RBPJL: variants seen among roughly 807,000 people sequenced by gnomAD.
RBPJL encodes recombination signal binding protein for immunoglobulin kappa J region like.
RBPJL carries 50 observed loss-of-function variants against 57.6 expected under a neutral mutation model. The ratio of observed to expected loss-of-function variants is 0.87; its 90% CI spans 0.69 to 1.10. The LOEUF (loss-of-function observed/expected upper bound fraction) is 1.10. Ranked by LOEUF, RBPJL falls within the 50% of genes least tolerant of loss-of-function variation. The probability of loss-of-function intolerance (pLI) is 0.00; values close to 1 mark genes in which losing one functional copy is unlikely to be tolerated. For missense variants in RBPJL, 684 were observed against 693.7 expected (o/e 0.99, Z 0.16); for synonymous variants, 303 against 294.4 (o/e 1.03, Z -0.30).
intron 9 of RBPJL, 100 bp from the exon 10 acceptor site, chr20:45,316,087 C>A: frequency 1.8e-6 from 2 of 1,135,984 alleles, no homozygotes; most frequent in Non-Finnish European, 2.6e-6. Context: ...GGATTAGTAT[C>A]CAGTTCGGTC....
At chr20:45,315,885 GAAA>G (rs1201038596) in intron 9 of RBPJL, 2 of 291,724 alleles carry the variant, frequency 6.9e-6, no homozygotes, top group African/African-American at 2.7e-5. Context: ...AGGAAAGAAA[GAAA>G]AAGAAAGAAA....
rs757163375 is a variant in RBPJL, at chr20:45,308,525, A to G, written c.131+274A>G. On this transcript the variant is annotated intron_variant, in intron 2 of 11. Coordinates refer to ENST00000343694, the MANE Select transcript of RBPJL (RefSeq NM_014276.4). ...GGAGACTGGGGAGACCGGGGCAGCCACACTCCACAGCCGGAATTCATTGGA... is the reference window on the plus strand; with the variant it reads ...GGAGACTGGGGAGACCGGGGCAGCCGCACTCCACAGCCGGAATTCATTGGA... 6.8e-4 allele frequency: 331 copies of G among 490,218 alleles called. 1 individual carries two copies. Among genetic ancestry groups the G allele is most frequent in the Middle Eastern group, 1.1e-3 (2 of 1,806 alleles). The allele number at this position is 490,218 out of a possible 1,614,324, so 30.4% of individuals were successfully genotyped here.
At position 45,316,893 on chromosome 20, in the gene RBPJL, C is replaced by G; in HGVS notation, c.1488C>G (p.Asp496Glu). The G allele has an allele frequency of 6.2e-7, 1 of 1,613,734 alleles. No homozygotes were observed. The highest frequency in any genetic ancestry group is 8.5e-7 in the Non-Finnish European group (1 of 1,179,784). Residue 496 changes from aspartate to glutamate, a missense_variant, in exon 12 of 12, where the codon GAC becomes GAG. By Grantham distance (45) the Asp-to-Glu change is conservative. Transcript: ENST00000343694. Reference protein sequence around the residue: ...PGVPEPATDADALLESIHQEF... With the variant: ...PGVPEPATDAEALLESIHQEF... ...TCCCCGAGCCCGCCACCGACGCCGA[C>G]GCGCTCCTGGAGAGCATCCATCAGG...
At chr20:45,316,042 T>G in intron 9 of RBPJL, 145 bp from the exon 10 acceptor site, 1 of 671,000 alleles carries the variant, frequency 1.5e-6, no homozygotes, top group Non-Finnish European at 2.5e-6. Context: ...AAGGGCACTG[T>G]CCAAGCTGAG....
At chr20:45,308,112 C>T in intron 1 of RBPJL, 31 bp from the exon 2 acceptor site, 1 of 1,525,186 alleles carries the variant, frequency 6.6e-7, no homozygotes, top group Non-Finnish European at 9.1e-7. Flanking sequence ...ATACACTCGC[C>T]TGACCTGGCT....
chr20:45,316,323 C>T lies in RBPJL; in HGVS notation c.1157C>T (p.Pro386Leu), dbSNP rs770278403. 7 of 1,614,142 alleles carry T rather than the reference C, an allele frequency of 4.3e-6. No individual in the cohort carries two copies. In the Middle Eastern group the frequency reaches 6.6e-4, roughly 153 times the overall value. ...ACCCTGGAGCCGGTCACTCCGGTGC[C>T]TCTCATCAGCACCCTAGAGGTGAAG... ...ACTLEPVTPV[P>L]LISTLELSGG... Residue 386 changes from proline (P) to leucine (L), a missense_variant, in exon 10 of 12, where the codon CCT (proline) becomes CTT (leucine). Coordinates refer to ENST00000343694, the MANE Select transcript of RBPJL (RefSeq NM_014276.4).
chr20:45,316,113 C>A (rs1277432065), intron 9 of RBPJL, 74 bp from the exon 10 acceptor site: 2 of 1,481,354 alleles, frequency 1.4e-6, no homozygotes, highest in Non-Finnish European at 1.9e-6. Flanking sequence ...CAGAAGCCCA[C>A]GCGCCATGCT....
chr20:45,308,594 C>T (rs1986958999), intron 2 of RBPJL: 1 of 291,484 alleles, frequency 3.4e-6, no homozygotes, highest in East Asian at 7.1e-5. Flanking sequence ...AGGGGTGGAG[C>T]GGTCCTGGCT....
At chr20:45,312,167 C>T in intron 5 of RBPJL, 54 bp from the exon 6 acceptor site, 1 of 1,611,834 alleles carries the variant, frequency 6.2e-7, no homozygotes, top group Non-Finnish European at 8.5e-7. Flanking sequence ...GAGGTTGGTT[C>T]ATCCGACGGG....
In RBPJL at chr20:45,317,081, C is replaced by A; in HGVS notation, c.*122C>A. On this transcript the variant is annotated 3_prime_UTR_variant, in exon 12 of 12. Coordinates refer to ENST00000343694, the MANE Select transcript of RBPJL (RefSeq NM_014276.4). ...TTTGCTGCAGAAGGGCAGCTGAAGG[C>A]TCACCCTAGAAACCGGGCCTGGTGG... 1.6e-6 allele frequency: 2 copies of A among 1,269,742 alleles called. No individual in the cohort carries two copies. The highest frequency in any genetic ancestry group is 2.2e-6 in the Non-Finnish European group (2 of 924,450). The allele number at this position is 1,269,742 out of a possible 1,614,324, so 78.7% of individuals were successfully genotyped here. A position where few individuals can be genotyped will look rare whatever the true frequency, so the allele number is the denominator to read the frequency against.
In RBPJL at chr20:45,317,254, C is replaced by A; in HGVS notation, c.*295C>A. ...TAAACCTCTCTCTCTCTCCCTTCCCCCTCAGTACTTAGTCTACAGACCTAT... is the reference window on the plus strand; with the variant it reads ...TAAACCTCTCTCTCTCTCCCTTCCCACTCAGTACTTAGTCTACAGACCTAT... On this transcript the variant is annotated 3_prime_UTR_variant, in exon 12 of 12. Transcript: ENST00000343694. The A allele has an allele frequency of 2.0e-6, 1 of 503,868 alleles. No homozygotes were observed. Among genetic ancestry groups the A allele is most frequent in the Non-Finnish European group, 3.5e-6 (1 of 284,808 alleles). 31.2% of individuals were successfully genotyped at this position (503,868 alleles called of 1,614,324 possible). A position where few individuals can be genotyped will look rare whatever the true frequency, so the allele number is the denominator to read the frequency against.
intron 6 of RBPJL, 54 bp downstream of exon 6, chr20:45,312,449 C>T (rs1987232742): frequency 1.3e-6 from 2 of 1,566,724 alleles, no homozygotes; most frequent in African/African-American, 2.7e-5. Flanking sequence ...CAACCAAGCC[C>T]AGAACGGCTA....
chr20:45,315,460 G>A (rs1987403608), intron 9 of RBPJL, among the ~76,000 whole-genome samples: 1 of 152,076 alleles, frequency 6.6e-6, no homozygotes, highest in Non-Finnish European at 1.5e-5. Context: ...AGCTATCCCA[G>A]GCCGGGCCAA....
At chr20:45,312,147 A>C (rs1987207784) in intron 5 of RBPJL, 74 bp from the exon 6 acceptor site, 2 of 1,605,136 alleles carry the variant, frequency 1.2e-6, no homozygotes, top group East Asian at 2.2e-5. Context: ...CGGACGTCCG[A>C]TATCTGGGAG....
chr20:45,309,054 T>G (rs1688697389), intron 2 of RBPJL, among the ~76,000 whole-genome samples: 2 of 152,020 alleles, frequency 1.3e-5, no homozygotes, highest in African/African-American at 4.8e-5. Context: ...TGGGCCCTTT[T>G]CTGTTTGCAG....
Position 45,316,682 on chromosome 20 carries a change from C to T in RBPJL, c.1281-4C>T, listed in dbSNP as rs536258543. Reference sequence around the variant, plus strand: ...CAGCCCTCACCCTGGTGCTCCACCCCCAGGAGCCCGCGGTCCCTGGTGTGC... The same window carrying T: ...CAGCCCTCACCCTGGTGCTCCACCCTCAGGAGCCCGCGGTCCCTGGTGTGC... On this transcript the variant is annotated splice_region_variant and splice_polypyrimidine_tract_variant and intron_variant, in intron 11 of 11. Transcript: ENST00000343694. 6.3e-7 allele frequency: 1 copy of T among 1,591,022 alleles called. No homozygotes were observed. Among genetic ancestry groups the T allele is most frequent in the South Asian group, 1.1e-5 (1 of 88,872 alleles).
At position 45,315,389 on chromosome 20, in the gene RBPJL, A is replaced by G. The variant is rs1017253869; in HGVS notation, c.1021-798A>G. Among the ~76,000 whole-genome samples the G allele has an allele frequency of 4.7e-5, 7 of 149,956 alleles. No individual in the cohort carries two copies. The South Asian group carries it at 8.5e-4, about 18-fold the overall frequency. ...AAATTGTAGATTATTAGAGCATAGA[A>G]TTGCACAATGTTAAAAAAAAAAAAA... On this transcript the variant is annotated intron_variant, in intron 9 of 11. Coordinates refer to ENST00000343694, the MANE Select transcript of RBPJL (RefSeq NM_014276.4).
chr20:45,308,263 G>T lies in RBPJL; in HGVS notation c.131+12G>T. On this transcript the variant is annotated intron_variant, in intron 2 of 11. Transcript: ENST00000343694. ...GGCACTTGGACCAGGTAACGGCGGCGTGGCAGCGTGCCCTAGGTGGGGACT... is the reference window on the plus strand; with the variant it reads ...GGCACTTGGACCAGGTAACGGCGGCTTGGCAGCGTGCCCTAGGTGGGGACT... 3 of 1,570,360 alleles carry T rather than the reference G, an allele frequency of 1.9e-6. No homozygotes were observed. The highest frequency in any genetic ancestry group is 2.6e-6 in the Non-Finnish European group (3 of 1,140,528).
rs1316863024 is a variant in RBPJL at position 45,316,753 on chromosome 20, C to T, written c.1348C>T (p.Arg450Cys). ...CTTCTGCAGCGACTGGCGCTGGCTG[C>T]GCGCTCCCATCACAATCCCCATGAG... The part of the protein sequence containing the change: ...AAFCSDWRWL[R>C]APITIPMSLV... The change falls in exon 12 of 12, where the codon CGC becomes TGC. Residue 450 changes from arginine (R) to cysteine (C), a missense_variant. Coordinates refer to ENST00000343694, the MANE Select transcript of RBPJL (RefSeq NM_014276.4). 6 of 1,613,594 alleles carry T rather than the reference C, an allele frequency of 3.7e-6. No individual in the cohort carries two copies. Among genetic ancestry groups the T allele is most frequent in the Non-Finnish European group, 5.1e-6 (6 of 1,179,752 alleles).
Sources: allele counts gnomAD v4.1 joint callset (sites outside exome capture counted in the v4.1 genomes callset), GRCh38; gene constraint gnomAD v4.1.1; transcripts MANE v1.5; gene names NCBI Gene and HGNC (gene_info 2026-07-23, HGNC 2026-07-21).